BTBD8: variants seen among roughly 807,000 people sequenced by gnomAD.
BTBD8 encodes the protein BTB/POZ domain-containing protein 8.
BTBD8 carries 110 observed loss-of-function variants against 162.9 expected under a neutral mutation model. That is an observed-to-expected ratio of 0.68 (90% CI 0.58 to 0.79). The LOEUF (loss-of-function observed/expected upper bound fraction) is 0.79, where lower values mean the gene tolerates loss of function less well. Ranked by LOEUF, BTBD8 falls within the 30% of genes least tolerant of loss-of-function variation. The pLI, the probability that BTBD8 is intolerant of heterozygous loss-of-function variation, is 0.00. For synonymous variants in BTBD8, 667 were observed against 716.1 expected (o/e 0.93, Z 1.10); for missense variants, 1,905 against 2,085.4 (o/e 0.91, Z 1.68).
chr1:92,125,417 T>C (rs1225245385), intron 4 of BTBD8: 1 of 295,460 alleles, frequency 3.4e-6, no homozygotes, highest in South Asian at 3.6e-5. Flanking sequence ...TGTGCAGTTA[T>C]GTACTGCTCA....
intron 1 of BTBD8, among the ~76,000 whole-genome samples, chr1:92,082,512 A>G (rs963642758): frequency 6.6e-6 from 1 of 152,194 alleles, no homozygotes; most frequent in Non-Finnish European, 1.5e-5. Context: ...GTGAGCTCTT[A>G]GGGATTGGTT....
chr1:92,179,467 T>G (rs519932), intron 16 of BTBD8, among the ~76,000 whole-genome samples: 112,928 of 152,078 alleles, frequency 0.74, 43,246 homozygotes, highest in East Asian at 0.97. Context: ...AAAGCAGTTC[T>G]TAAAATGCTA....
intron 4 of BTBD8, among the ~76,000 whole-genome samples, chr1:92,124,076 G>C (rs1477827089): frequency 6.6e-6 from 1 of 152,104 alleles, no homozygotes; most frequent in Non-Finnish European, 1.5e-5. Context: ...TGTGAAGATT[G>C]CCAGAAGCTA....
intron 16 of BTBD8, among the ~76,000 whole-genome samples, chr1:92,179,564 CTAAA>C (rs757725418): frequency 6.6e-5 from 10 of 152,140 alleles, no homozygotes; most frequent in Non-Finnish European, 1.0e-4. Context: ...CTAGTAATAA[CTAAA>C]TGTTAAACAT....
chr1:92,140,260 G>GC (rs1553123885), intron 6 of BTBD8, among the ~76,000 whole-genome samples: 15 of 149,964 alleles, frequency 1.0e-4, no homozygotes, highest in African/African-American at 3.7e-4. Context: ...GTTCTTGGGG[G>GC]AAAAAAAAAC....
rs368648298 is a variant in BTBD8 at position 92,184,106 on chromosome 1, C to G, written c.5155C>G (p.Pro1719Ala). 5.8e-6 allele frequency: 9 copies of G among 1,551,498 alleles called. No individual in the cohort carries two copies. Among genetic ancestry groups the G allele is most frequent in the African/African-American group, 1.4e-5 (1 of 73,058 alleles). Residue 1719 changes from proline (P) to alanine (A), a missense_variant, in exon 18 of 18, where the codon CCT becomes GCT. This residue lies in a region of BTBD8 where 517 missense variants were observed against 606.6 expected (regional missense o/e 0.85). Coordinates refer to ENST00000636805, the MANE Select transcript of BTBD8 (RefSeq NM_001376131.1). ...AAACTTAGATGTTACAAATTCCGTTCCTGAAGACTTAAGTTTAGCACAGTA... is the reference window on the plus strand; with the variant it reads ...AAACTTAGATGTTACAAATTCCGTTGCTGAAGACTTAAGTTTAGCACAGTA... ...DSNLDVTNSV[P>A]EDLSLAQYLI...
rs950573193 is a variant in BTBD8, at chr1:92,171,402, C to T, written c.1577C>T (p.Ala526Val). 2 of 1,538,716 alleles carry T rather than the reference C, an allele frequency of 1.3e-6. No homozygotes were observed. The highest frequency in any genetic ancestry group is 2.8e-5 in the African/African-American group (2 of 72,630). ...AAATTGCTGTTTCTTTCTACAGCTG[C>T]ATTTGACAAAGGTGATGATCGAAGA... Reference protein sequence around the residue: ...TDDQQKIQAAAFDKGDDRRLG... With the variant: ...TDDQQKIQAAVFDKGDDRRLG... The change falls in exon 13 of 18, where the codon GCA becomes GTA. Residue 526 changes from alanine to valine, a missense_variant. Ala to Val is a moderately conservative substitution (Grantham distance 64). This residue lies in a region of BTBD8 where 1,374 missense variants were observed against 1,442.7 expected (regional missense o/e 0.95). Coordinates refer to ENST00000636805, the MANE Select transcript of BTBD8 (RefSeq NM_001376131.1).
rs150768451 is a variant in BTBD8 at position 92,115,808 on chromosome 1, T to C, written c.662+7807T>C. ...ACTCTGGGCTTCACTTTTACCATGA[T>C]GTCTCAGGGACATGACTGGTGCTGC... On this transcript the variant is annotated intron_variant, in intron 4 of 17. Coordinates refer to ENST00000636805, the MANE Select transcript of BTBD8 (RefSeq NM_001376131.1). 2.0e-3 allele frequency: 397 copies of C among 202,618 alleles called. 9 individuals are homozygous for C. The highest frequency in any genetic ancestry group is 8.6e-3 in the African/African-American group (371 of 42,962). The allele number at this position is 202,618 out of a possible 1,614,324, so 12.6% of individuals were successfully genotyped here.
chr1:92,144,828 C>T (rs1434503613), intron 7 of BTBD8, among the ~76,000 whole-genome samples: 1 of 151,308 alleles, frequency 6.6e-6, no homozygotes, highest in Non-Finnish European at 1.5e-5. Context: ...CACACACACA[C>T]ACACACACAC....
chr1:92,183,709 C>T (rs1650988571), intron 17 of BTBD8, among the ~76,000 whole-genome samples, 155 bp from the exon 18 acceptor site: 1 of 148,856 alleles, frequency 6.7e-6, no homozygotes, highest in African/African-American at 2.5e-5. Flanking sequence ...AAAAATGCCT[C>T]AAAAATCTTG....
chr1:92,143,719 T>G (rs1557455111), intron 7 of BTBD8, among the ~76,000 whole-genome samples: 1 of 150,984 alleles, frequency 6.6e-6, no homozygotes, highest in Non-Finnish European at 1.5e-5. Context: ...ACCATGTTGG[T>G]CAGGCTGGTC....
chr1:92,152,486 A>G (rs1407171602), intron 9 of BTBD8, among the ~76,000 whole-genome samples: 1 of 152,160 alleles, frequency 6.6e-6, no homozygotes, highest in Non-Finnish European at 1.5e-5. Context: ...GTTAGAGGAC[A>G]ATTTTAAAAT....
At position 92,181,094 on chromosome 1, in the gene BTBD8, A is replaced by G; in HGVS notation, c.3411A>G (p.Ser1137=). 6.4e-7 allele frequency: 1 copy of G among 1,551,638 alleles called. No individual in the cohort carries two copies. The highest frequency in any genetic ancestry group is 8.7e-7 in the Non-Finnish European group (1 of 1,146,970). Residue 1137 remains serine (S), a synonymous_variant, in exon 17 of 18, where the codon TCA becomes TCG. Coordinates refer to ENST00000636805, the MANE Select transcript of BTBD8 (RefSeq NM_001376131.1). ...QVGRKDTNKQ[S]SIKCVEDVSL... is the part of the protein sequence containing the mutation. The stretch of plus-strand genomic sequence containing the variant: ...GGAGAAAAGATACAAACAAACAATC[A>G]AGTATTAAATGTGTGGAAGATGTTT...
chr1:92,136,342 C>A (rs1033092669), intron 5 of BTBD8, among the ~76,000 whole-genome samples: 1 of 141,694 alleles, frequency 7.1e-6, no homozygotes, highest in East Asian at 2.1e-4. Flanking sequence ...TTATTTTCTT[C>A]TTTTTTTTTT....
Position 92,182,132 on chromosome 1 carries a change from C to T in BTBD8, c.4449C>T (p.Thr1483=), listed in dbSNP as rs1344449278. 4.5e-6 allele frequency: 7 copies of T among 1,551,054 alleles called. No homozygotes were observed. The highest frequency in any genetic ancestry group is 6.1e-6 in the Non-Finnish European group (7 of 1,146,736). The change falls in exon 17 of 18, where the codon ACC becomes ACT. Residue 1483 remains threonine, a synonymous_variant. Coordinates refer to ENST00000636805, the MANE Select transcript of BTBD8 (RefSeq NM_001376131.1). ...DGISHEHHGR[T]CYSRFSRESE... ...TTTCTCATGAACATCATGGAAGGAC[C>T]TGCTATTCCAGATTCTCACGAGAAA...
intron 7 of BTBD8, among the ~76,000 whole-genome samples, chr1:92,145,176 C>T (rs1461087393): frequency 6.6e-6 from 1 of 152,150 alleles, no homozygotes; most frequent in Non-Finnish European, 1.5e-5. Context: ...GTTGGCCAGG[C>T]TGGCCTTGAA....
At chr1:92,132,877 T>A (rs927459937) in intron 5 of BTBD8, among the ~76,000 whole-genome samples, 3 of 152,178 alleles carry the variant, frequency 2.0e-5, no homozygotes, top group Admixed American at 6.5e-5. Context: ...TAAAGCAAGG[T>A]TCTGTAACAC....
intron 9 of BTBD8, among the ~76,000 whole-genome samples, chr1:92,151,246 C>T (rs1249539355): frequency 2.0e-5 from 3 of 151,340 alleles, no homozygotes; most frequent in South Asian, 2.1e-4. Flanking sequence ...CCCAGCTACT[C>T]GGGAGGCTGA....
chr1:92,114,146 AAC>A lies in BTBD8; in HGVS notation c.662+6148_662+6149del, dbSNP rs1255755104. Among the ~76,000 whole-genome samples the A allele has an allele frequency of 9.2e-5, 14 of 152,206 alleles. 1 individual carries two copies. Among genetic ancestry groups the A allele is most frequent in the African/African-American group, 3.4e-4 (14 of 41,438 alleles). ...AAAGTAAGAAATAATTGTTAAAAAA[AAC>A]ACTTATTATTTGCTAAGTATTGTGG... On this transcript the variant is annotated intron_variant, in intron 4 of 17. Coordinates refer to ENST00000636805, the MANE Select transcript of BTBD8 (RefSeq NM_001376131.1).
Sources: allele counts gnomAD v4.1 joint callset (sites outside exome capture counted in the v4.1 genomes callset), GRCh38; gene constraint gnomAD v4.1.1; regional missense constraint gnomAD v4.1.1; transcripts MANE v1.5; gene names NCBI Gene and HGNC (gene_info 2026-07-23, HGNC 2026-07-21).